ADAMTSL3: variants seen among roughly 807,000 people sequenced by gnomAD.
ADAMTSL3 encodes the protein ADAMTS like 3, also known as ADAMTS-like protein 3.
ADAMTSL3 carries 128 observed loss-of-function variants against 201.7 expected under a neutral mutation model. That is an observed-to-expected ratio of 0.63 (90% CI 0.55 to 0.73). The LOEUF (loss-of-function observed/expected upper bound fraction) is 0.73, where lower values mean the gene tolerates loss of function less well. Among genes scored for constraint, ADAMTSL3 ranks in the 30% least tolerant of loss-of-function variants. The pLI is 0.00. For synonymous variants in ADAMTSL3, 738 were observed against 748.4 expected (o/e 0.99, Z 0.23); for missense variants, 1,990 against 2,119.6 (o/e 0.94, Z 1.20).
intron 12 of ADAMTSL3, among the ~76,000 whole-genome samples, chr15:83,891,600 C>T (rs924970733): frequency 3.3e-5 from 5 of 152,186 alleles, no homozygotes; most frequent in African/African-American, 1.2e-4. Context: ...AGCTGTCAAG[C>T]ATATCTTGGA....
At chr15:83,728,972 G>A (rs929954673) in intron 3 of ADAMTSL3, among the ~76,000 whole-genome samples, 1 of 152,142 alleles carries the variant, frequency 6.6e-6, no homozygotes. Context: ...TTGTTTGTCT[G>A]GGAAAGTCCT....
At chr15:83,926,967 C>G (rs2066257720) in intron 17 of ADAMTSL3, among the ~76,000 whole-genome samples, 1 of 151,996 alleles carries the variant, frequency 6.6e-6, no homozygotes, top group Non-Finnish European at 1.5e-5. Context: ...ATATTTGTAG[C>G]CATGAATATC....
At chr15:83,987,100 A>G (rs1388491126) in intron 21 of ADAMTSL3, among the ~76,000 whole-genome samples, 1 of 152,262 alleles carries the variant, frequency 6.6e-6, no homozygotes, top group East Asian at 1.9e-4. Flanking sequence ...GAAATAATTT[A>G]AGAAAATGAT....
chr15:83,681,214 C>G (rs1284080608), intron 2 of ADAMTSL3, among the ~76,000 whole-genome samples: 1 of 152,198 alleles, frequency 6.6e-6, no homozygotes, highest in African/African-American at 2.4e-5. Context: ...TGTTCATTTA[C>G]ATATCTATCA....
At chr15:83,683,523 G>A (rs1405934393) in intron 2 of ADAMTSL3, among the ~76,000 whole-genome samples, 1 of 152,024 alleles carries the variant, frequency 6.6e-6, no homozygotes, top group Non-Finnish European at 1.5e-5. Context: ...ATTCCTTGAG[G>A]TCTATGTCTA....
At chr15:83,808,281 CA>C (rs2063635048) in intron 5 of ADAMTSL3, among the ~76,000 whole-genome samples, 1 of 151,968 alleles carries the variant, frequency 6.6e-6, no homozygotes. Flanking sequence ...AACTCAATAG[CA>C]AAGAAACCCA....
At chr15:83,718,056 G>A (rs1046993867) in intron 3 of ADAMTSL3, among the ~76,000 whole-genome samples, 1 of 152,270 alleles carries the variant, frequency 6.6e-6, no homozygotes, top group Middle Eastern at 3.4e-3. Flanking sequence ...TATAGTCCTA[G>A]AATTGAATTG....
At chr15:83,707,077 G>A (rs991518970) in intron 3 of ADAMTSL3, among the ~76,000 whole-genome samples, 12 of 152,134 alleles carry the variant, frequency 7.9e-5, no homozygotes, top group Admixed American at 5.9e-4. Context: ...TTCAGCATAT[G>A]ACAAAACATT....
In ADAMTSL3 at chr15:83,944,905, T is replaced by C. The variant is rs114666266; in HGVS notation, c.2490+1823T>C. Among the ~76,000 whole-genome samples, 1,135 of 152,342 alleles carry C rather than the reference T, an allele frequency of 7.5e-3. 9 individuals are homozygous for C. The highest frequency in any genetic ancestry group is 0.031 in the Middle Eastern group (9 of 294). On this transcript the variant is annotated intron_variant, in intron 19 of 29. Coordinates refer to ENST00000286744, the MANE Select transcript of ADAMTSL3 (RefSeq NM_207517.3). ...AGTAGGCTCTTCCCATTGCCCTTGA[T>C]AGAAGGTCCACATTTCTGGCTGTAG...
chr15:83,865,014 T>C (rs569036771), intron 8 of ADAMTSL3, among the ~76,000 whole-genome samples: 1 of 152,210 alleles, frequency 6.6e-6, no homozygotes, highest in Non-Finnish European at 1.5e-5. Context: ...CCATTCAGAA[T>C]TGCTTCAAAG....
intron 8 of ADAMTSL3, among the ~76,000 whole-genome samples, chr15:83,863,978 T>C (rs1191192168): frequency 1.3e-5 from 2 of 152,124 alleles, no homozygotes; most frequent in African/African-American, 2.4e-5. Flanking sequence ...GAGAATACTA[T>C]AAACACCTCT....
chr15:83,883,019 A>G (rs953981418), intron 9 of ADAMTSL3, among the ~76,000 whole-genome samples: 5 of 152,050 alleles, frequency 3.3e-5, no homozygotes, highest in Non-Finnish European at 7.4e-5. Flanking sequence ...AAAGAAATAT[A>G]GCAGATTTAT....
At chr15:83,760,474 AG>A (rs2062790864) in intron 3 of ADAMTSL3, among the ~76,000 whole-genome samples, 1 of 152,138 alleles carries the variant, frequency 6.6e-6, no homozygotes, top group Non-Finnish European at 1.5e-5. Flanking sequence ...TGAGATGGTT[AG>A]TTGTAGCTTT....
chr15:83,715,423 C>T (rs1178626550), intron 3 of ADAMTSL3, among the ~76,000 whole-genome samples: 1 of 152,158 alleles, frequency 6.6e-6, no homozygotes, highest in Non-Finnish European at 1.5e-5. Context: ...TAACATACAC[C>T]TCCCTTCCCA....
chr15:83,995,452 C>T (rs2067670018), intron 23 of ADAMTSL3, among the ~76,000 whole-genome samples: 1 of 152,168 alleles, frequency 6.6e-6, no homozygotes, highest in Admixed American at 6.5e-5. Flanking sequence ...GAGACTCAAA[C>T]AGTCCCATTA....
intron 23 of ADAMTSL3, among the ~76,000 whole-genome samples, chr15:83,998,096 G>C (rs1471118171): frequency 6.6e-6 from 1 of 151,926 alleles, no homozygotes; most frequent in Non-Finnish European, 1.5e-5. Context: ...GGAGTTCTTG[G>C]AGCTGCAATA....
At chr15:83,980,983 G>A (rs1451885179) in intron 20 of ADAMTSL3, among the ~76,000 whole-genome samples, 1 of 152,218 alleles carries the variant, frequency 6.6e-6, no homozygotes, top group East Asian at 1.9e-4. Flanking sequence ...AGGAGGACCT[G>A]TAACTGGGGT....
At chr15:83,912,225 T>C (rs1011980927) in intron 15 of ADAMTSL3, among the ~76,000 whole-genome samples, 2 of 152,244 alleles carry the variant, frequency 1.3e-5, no homozygotes, top group African/African-American at 4.8e-5. Flanking sequence ...ATGGTTTCTA[T>C]TGCAAATATT....
At chr15:83,721,973 C>A (rs2062107650) in intron 3 of ADAMTSL3, among the ~76,000 whole-genome samples, 1 of 152,044 alleles carries the variant, frequency 6.6e-6, no homozygotes, top group Non-Finnish European at 1.5e-5. Context: ...CCTCATGATC[C>A]GTCTGCCTTG....
Sources: allele counts gnomAD v4.1 joint callset (sites outside exome capture counted in the v4.1 genomes callset), GRCh38; gene constraint gnomAD v4.1.1; transcripts MANE v1.5; gene names NCBI Gene and HGNC (gene_info 2026-07-23, HGNC 2026-07-21).